SGCZ: variants seen among roughly 807,000 people sequenced by gnomAD.
The protein encoded by SGCZ is sarcoglycan zeta.
SGCZ carries 40 observed loss-of-function variants against 41.3 expected under a neutral mutation model. That is an observed-to-expected ratio of 0.97 (90% CI 0.75 to 1.26). The LOEUF (loss-of-function observed/expected upper bound fraction) is 1.26. Ranked by LOEUF, SGCZ falls within the 50% of genes most tolerant of loss-of-function variation. SGCZ has a pLI of 0.00. For synonymous variants in SGCZ, 206 were observed against 137.5 expected (o/e 1.50, Z -3.49); for missense variants, 552 against 369.8 (o/e 1.49, Z -4.04).
At chr8:14,841,106 A>G (rs949169620) in intron 1 of SGCZ, among the ~76,000 whole-genome samples, 15 of 149,040 alleles carry the variant, frequency 1.0e-4, no homozygotes, top group African/African-American at 3.2e-4. Flanking sequence ...AGCATTTGAG[A>G]AGAACAAAAA....
At chr8:14,658,155 A>G (rs1190282976) in intron 1 of SGCZ, among the ~76,000 whole-genome samples, 1 of 152,140 alleles carries the variant, frequency 6.6e-6, no homozygotes, top group Non-Finnish European at 1.5e-5. Flanking sequence ...GATGATGACA[A>G]CTTCATTCTT....
At chr8:14,982,819 C>T (rs1047161199) in intron 1 of SGCZ, among the ~76,000 whole-genome samples, 3 of 152,168 alleles carry the variant, frequency 2.0e-5, no homozygotes, top group African/African-American at 7.2e-5. Flanking sequence ...GAAATATTCA[C>T]TTATTTGGCC....
Position 14,100,852 on chromosome 8 carries a change from G to A in SGCZ, c.744+1524C>T, listed in dbSNP as rs184106755. 5.9e-3 allele frequency among the ~76,000 whole-genome samples: 892 copies of A among 151,874 alleles called. 6 individuals carry two copies. Among genetic ancestry groups the A allele is most frequent in the African/African-American group, 0.02 (842 of 41,492 alleles). ...AGAGGACTGAAATACTCCAGAACATGCCTCTCAACTTATCCTTTCATTCTT... is the reference window on the plus strand; with the variant it reads ...AGAGGACTGAAATACTCCAGAACATACCTCTCAACTTATCCTTTCATTCTT... On this transcript the variant is annotated intron_variant, in intron 7 of 7. Transcript: ENST00000382080.
intron 1 of SGCZ, among the ~76,000 whole-genome samples, chr8:14,681,587 T>C (rs1000673162): frequency 6.6e-6 from 1 of 152,198 alleles, no homozygotes; most frequent in African/African-American, 2.4e-5. Flanking sequence ...ATGATGGTCT[T>C]CGAAATACCT....
chr8:14,997,626 T>C (rs1300232054), intron 1 of SGCZ, among the ~76,000 whole-genome samples: 2 of 152,164 alleles, frequency 1.3e-5, no homozygotes, highest in African/African-American at 4.8e-5. Flanking sequence ...TCTGCACCAC[T>C]AAAAAGTAAA....
At chr8:14,920,948 G>T (rs936971843) in intron 1 of SGCZ, among the ~76,000 whole-genome samples, 1 of 152,158 alleles carries the variant, frequency 6.6e-6, no homozygotes, top group African/African-American at 2.4e-5. Context: ...TCTACGCTCA[G>T]AACATTGAGA....
At chr8:15,185,049 C>T (rs1314314615) in intron 1 of SGCZ, among the ~76,000 whole-genome samples, 1 of 152,096 alleles carries the variant, frequency 6.6e-6, no homozygotes, top group Admixed American at 6.5e-5. Flanking sequence ...CAAATATCAC[C>T]CTGCTACATA....
intron 2 of SGCZ, among the ~76,000 whole-genome samples, chr8:14,339,557 T>C (rs1802629365): frequency 6.6e-6 from 1 of 152,184 alleles, no homozygotes; most frequent in Non-Finnish European, 1.5e-5. Flanking sequence ...AGTTGCCATA[T>C]CCTATGAATA....
Position 14,285,768 on chromosome 8 carries a change from C to T in SGCZ, c.336+38335G>A, listed in dbSNP as rs148239078. ...TTGAGATATGGGATTTGTTAGTGTACGAGAAACAAATAGCTCACAGGTTCT... is the reference window on the plus strand; with the variant it reads ...TTGAGATATGGGATTTGTTAGTGTATGAGAAACAAATAGCTCACAGGTTCT... On this transcript the variant is annotated intron_variant, in intron 3 of 7. Coordinates refer to ENST00000382080, the MANE Select transcript of SGCZ (RefSeq NM_139167.4). 1.5e-3 allele frequency among the ~76,000 whole-genome samples: 231 copies of T among 152,044 alleles called. 1 individual carries two copies. The highest frequency in any genetic ancestry group is 0.011 in the East Asian group (58 of 5,172).
intron 3 of SGCZ, among the ~76,000 whole-genome samples, chr8:14,241,957 CA>C (rs967793341): frequency 6.6e-6 from 1 of 152,038 alleles, no homozygotes; most frequent in African/African-American, 2.4e-5. Flanking sequence ...TTATTTATAA[CA>C]AATATTTACT....
chr8:15,162,780 T>C (rs1476937732), intron 1 of SGCZ, among the ~76,000 whole-genome samples: 1 of 152,218 alleles, frequency 6.6e-6, no homozygotes, highest in Non-Finnish European at 1.5e-5. Flanking sequence ...TTATAGCATC[T>C]TACCTCTAAA....
intron 1 of SGCZ, among the ~76,000 whole-genome samples, chr8:14,999,107 C>T (rs553376237): frequency 6.6e-6 from 1 of 152,258 alleles, no homozygotes; most frequent in East Asian, 1.9e-4. Context: ...CTGATTCTGA[C>T]TGATTATTTC....
chr8:14,714,730 A>G (rs887456963), intron 1 of SGCZ, among the ~76,000 whole-genome samples: 34 of 152,148 alleles, frequency 2.2e-4, no homozygotes, highest in African/African-American at 8.0e-4. Context: ...AAAATACTAG[A>G]AAAAAATTAA....
intron 1 of SGCZ, among the ~76,000 whole-genome samples, chr8:15,182,490 G>A (rs1800207051): frequency 1.3e-5 from 2 of 152,088 alleles, no homozygotes; most frequent in Non-Finnish European, 2.9e-5. Flanking sequence ...TTACTACACT[G>A]AATACCAGAG....
chr8:14,696,094 TC>T (rs1204040661), intron 1 of SGCZ, among the ~76,000 whole-genome samples: 1 of 152,126 alleles, frequency 6.6e-6, no homozygotes, highest in Non-Finnish European at 1.5e-5. Context: ...CAGTTGTATT[TC>T]GGTTGCTTTT....
chr8:14,373,093 G>C (rs1237035758), intron 2 of SGCZ, among the ~76,000 whole-genome samples: 2 of 152,098 alleles, frequency 1.3e-5, no homozygotes, highest in East Asian at 3.9e-4. Flanking sequence ...CTAGAGGAAA[G>C]AAAATGAGGC....
chr8:15,162,037 T>C (rs1487518779), intron 1 of SGCZ, among the ~76,000 whole-genome samples: 2 of 152,178 alleles, frequency 1.3e-5, no homozygotes, highest in Admixed American at 1.3e-4. Context: ...CAAACTGCCT[T>C]GACTATATGC....
intron 2 of SGCZ, among the ~76,000 whole-genome samples, chr8:14,447,625 ACATT>A (rs1220940013): frequency 1.3e-5 from 2 of 152,160 alleles, no homozygotes; most frequent in East Asian, 3.9e-4. Flanking sequence ...CTAAACACAT[ACATT>A]CATTAATTAT....
chr8:14,521,196 T>C (rs972403473), intron 2 of SGCZ, among the ~76,000 whole-genome samples: 20 of 152,272 alleles, frequency 1.3e-4, no homozygotes, highest in African/African-American at 4.8e-4. Context: ...TGCAGCCACA[T>C]CTGCTTCCTG....
Sources: gnomAD v4.1 joint callset for allele counts (sites outside exome capture counted in the v4.1 genomes callset) on GRCh38, gnomAD v4.1.1 for gene constraint, MANE v1.5 for transcripts, NCBI Gene and HGNC (gene_info 2026-07-23, HGNC 2026-07-21) for gene names.